The following SNX13 variants were observed in gnomAD, a reference collection of about 807,000 sequenced individuals.
SNX13 encodes sorting nexin 13, also known as sorting nexin-13.
In SNX13, 45 loss-of-function variants were observed where a neutral mutation model predicts 133.6. The ratio of observed to expected loss-of-function variants is 0.34; its 90% CI spans 0.27 to 0.43. The LOEUF (loss-of-function observed/expected upper bound fraction) is 0.43. Ranked by LOEUF, SNX13 falls within the 20% of genes least tolerant of loss-of-function variation. SNX13 has a pLI of 1.00. For missense variants in SNX13, 1,032 were observed against 1,145.1 expected, an observed-to-expected ratio of 0.90 and a Z score of 1.43; for synonymous variants, 414 against 373.9, an observed-to-expected ratio of 1.11 and a Z score of -1.24.
chr7:17,817,263 T>C (rs995921689), intron 18 of SNX13, among the ~76,000 whole-genome samples: 1 of 152,218 alleles, frequency 6.6e-6, no homozygotes, highest in African/African-American at 2.4e-5. Flanking sequence ...TTTTTAACCA[T>C]ACGAGCTGCT....
At chr7:17,809,571 A>T (rs1426964683) in intron 20 of SNX13, among the ~76,000 whole-genome samples, 1 of 152,212 alleles carries the variant, frequency 6.6e-6, no homozygotes, top group African/African-American at 2.4e-5. Context: ...TGAGACAGAA[A>T]ATTAACAAGG....
chr7:17,924,744 T>C (rs1450168519), intron 1 of SNX13, among the ~76,000 whole-genome samples: 1 of 152,150 alleles, frequency 6.6e-6, no homozygotes, highest in African/African-American at 2.4e-5. Context: ...GATGAAAGGA[T>C]AAGCAAAATG....
chr7:17,794,463 G>A, intron 25 of SNX13, 171 bp from the exon 26 acceptor site: 1 of 732,656 alleles, frequency 1.4e-6, no homozygotes, highest in Non-Finnish European at 2.1e-6. Context: ...ATCTTTGCAT[G>A]CATGCATCTA....
intron 1 of SNX13, among the ~76,000 whole-genome samples, chr7:17,932,429 A>C (rs1315756605): frequency 1.3e-5 from 2 of 152,196 alleles, no homozygotes; most frequent in African/African-American, 4.8e-5. Context: ...CCAATCCTTT[A>C]AGGGTAATTA....
chr7:17,932,911 G>A (rs920898631), intron 1 of SNX13, among the ~76,000 whole-genome samples: 1 of 152,102 alleles, frequency 6.6e-6, no homozygotes, highest in Admixed American at 6.5e-5. Context: ...CACTTTGATG[G>A]CCTAAGTGGT....
chr7:17,930,487 A>C (rs1206816631), intron 1 of SNX13, among the ~76,000 whole-genome samples: 1 of 152,180 alleles, frequency 6.6e-6, no homozygotes, highest in Non-Finnish European at 1.5e-5. Flanking sequence ...TCATCATCAC[A>C]TAAATTTTGT....
intron 12 of SNX13, among the ~76,000 whole-genome samples, chr7:17,842,629 G>A (rs932837305): frequency 2.0e-5 from 3 of 151,720 alleles, no homozygotes; most frequent in Admixed American, 6.6e-5. Context: ...AGACGAATAC[G>A]ATTTTAAAAA....
At chr7:17,852,061 C>A (rs974116462) in intron 9 of SNX13, among the ~76,000 whole-genome samples, 10 of 152,192 alleles carry the variant, frequency 6.6e-5, no homozygotes, top group Non-Finnish European at 1.2e-4. Flanking sequence ...GGTGTTCTAA[C>A]AAGCCAAGTA....
At chr7:17,923,032 T>C (rs1273122628) in intron 1 of SNX13, among the ~76,000 whole-genome samples, 1 of 152,218 alleles carries the variant, frequency 6.6e-6, no homozygotes, top group Non-Finnish European at 1.5e-5. Flanking sequence ...AGATAGCACA[T>C]ACCACTTTTC....
chr7:17,855,741 T>C (rs1029656714), intron 9 of SNX13, among the ~76,000 whole-genome samples: 15 of 152,176 alleles, frequency 9.9e-5, no homozygotes, highest in Non-Finnish European at 8.8e-5. Context: ...GCCCCAGAGC[T>C]CTGATGAAGG....
intron 20 of SNX13, among the ~76,000 whole-genome samples, chr7:17,805,143 G>C (rs1005806917): frequency 6.6e-5 from 10 of 151,038 alleles, no homozygotes; most frequent in Admixed American, 3.3e-4. Flanking sequence ...TGAAAAACAT[G>C]ACCACTGGTG....
chr7:17,807,671 GAGACACCTCCCATCAGGGGTCGAC>G (rs1386991019), intron 20 of SNX13, among the ~76,000 whole-genome samples: 1 of 152,206 alleles, frequency 6.6e-6, no homozygotes, highest in African/African-American at 2.4e-5. Flanking sequence ...TCCTGACTGG[GAGACACCTCCCATCAGGGGTCGAC>G]AGACACCTCA....
chr7:17,864,854 C>T (rs1793187233), intron 9 of SNX13, among the ~76,000 whole-genome samples: 1 of 151,932 alleles, frequency 6.6e-6, no homozygotes, highest in South Asian at 2.1e-4. Flanking sequence ...GGAGCAGCAG[C>T]AGCAGCAAAT....
intron 9 of SNX13, among the ~76,000 whole-genome samples, chr7:17,866,003 A>G (rs1170781330): frequency 6.6e-6 from 1 of 152,222 alleles, no homozygotes; most frequent in African/African-American, 2.4e-5. Context: ...AATGGATTAA[A>G]GACTTCAATC....
At chr7:17,799,617 GTATTTA>G (rs1212664475) in intron 22 of SNX13, among the ~76,000 whole-genome samples, 1 of 151,750 alleles carries the variant, frequency 6.6e-6, no homozygotes, top group Non-Finnish European at 1.5e-5. Context: ...TAAATTGTAT[GTATTTA>G]TGTACTTTCA....
intron 1 of SNX13, among the ~76,000 whole-genome samples, chr7:17,902,938 T>C (rs1797994313): frequency 6.6e-6 from 1 of 152,194 alleles, no homozygotes; most frequent in Non-Finnish European, 1.5e-5. Flanking sequence ...ATAATCTAAC[T>C]AATGCCTGAT....
chr7:17,933,146 T>A (rs1426102145), intron 1 of SNX13, among the ~76,000 whole-genome samples: 1 of 152,238 alleles, frequency 6.6e-6, no homozygotes, highest in Non-Finnish European at 1.5e-5. Context: ...CAAGTCTGAT[T>A]AAAAATAAAA....
At chr7:17,834,932 GATA>G in intron 13 of SNX13, 67 bp from the exon 14 acceptor site, 2 of 885,292 alleles carry the variant, frequency 2.3e-6, no homozygotes, top group Non-Finnish European at 3.5e-6. Context: ...TTGATAGTAT[GATA>G]ATAATGGAAT....
At chr7:17,893,468 CA>C (rs1245093149) in intron 2 of SNX13, 34 bp from the exon 3 acceptor site, 1 of 1,301,082 alleles carries the variant, frequency 7.7e-7, no homozygotes. Context: ...AATATAAAAA[CA>C]AAATTTCCTT....
Sources: allele counts gnomAD v4.1 joint callset (sites outside exome capture counted in the v4.1 genomes callset), GRCh38; gene constraint gnomAD v4.1.1; transcripts MANE v1.5; gene names NCBI Gene and HGNC (gene_info 2026-07-23, HGNC 2026-07-21).